PDLIM5: variants seen among roughly 807,000 people sequenced by gnomAD.
PDLIM5 encodes PDZ and LIM domain 5.
PDLIM5 carries 34 observed loss-of-function variants against 64.2 expected under a neutral mutation model. The observed-to-expected ratio is 0.53, with a 90% CI of 0.40 to 0.71. PDLIM5 has a LOEUF of 0.71. Ranked by LOEUF, PDLIM5 falls within the 30% of genes least tolerant of loss-of-function variation. PDLIM5 has a pLI of 0.00. For missense variants in PDLIM5, 683 were observed against 733.6 expected, an observed-to-expected ratio of 0.93 and a Z score of 0.80; for synonymous variants, 253 against 269.1, an observed-to-expected ratio of 0.94 and a Z score of 0.59.
At chr4:94,522,999 A>G (rs1729963807) in intron 2 of PDLIM5, among the ~76,000 whole-genome samples, 1 of 152,192 alleles carries the variant, frequency 6.6e-6, no homozygotes, top group Admixed American at 6.5e-5. Flanking sequence ...GGGGCAATGA[A>G]ATATATACAC....
intron 8 of PDLIM5, among the ~76,000 whole-genome samples, chr4:94,619,512 C>T (rs1180444255): frequency 1.3e-5 from 2 of 151,982 alleles, no homozygotes; most frequent in Admixed American, 6.5e-5. Context: ...TGGTGGCGGG[C>T]GCCTGTAGTC....
chr4:94,616,838 C>G (rs1182728459), intron 7 of PDLIM5, among the ~76,000 whole-genome samples: 1 of 152,172 alleles, frequency 6.6e-6, no homozygotes, highest in African/African-American at 2.4e-5. Context: ...TGTTTAGTGT[C>G]AGAGATGCCC....
intron 3 of PDLIM5, among the ~76,000 whole-genome samples, chr4:94,552,131 G>A (rs1164474950): frequency 6.6e-6 from 1 of 151,226 alleles, no homozygotes; most frequent in Non-Finnish European, 1.5e-5. Context: ...ATATATACAA[G>A]TTTTTATTAC....
chr4:94,508,462 G>T (rs1196798708), intron 2 of PDLIM5, among the ~76,000 whole-genome samples: 1 of 152,192 alleles, frequency 6.6e-6, no homozygotes, highest in Non-Finnish European at 1.5e-5. Flanking sequence ...GTCAAGTGTT[G>T]ATGGGCCTTG....
chr4:94,535,411 T>C (rs1731231340), intron 3 of PDLIM5, among the ~76,000 whole-genome samples: 1 of 152,208 alleles, frequency 6.6e-6, no homozygotes. Context: ...TTACAGATTC[T>C]GCAAGTTCAA....
intron 2 of PDLIM5, among the ~76,000 whole-genome samples, chr4:94,476,180 T>G (rs188168553): frequency 1.3e-5 from 2 of 152,308 alleles, no homozygotes; most frequent in Admixed American, 1.3e-4. Flanking sequence ...AACCTGATTC[T>G]GCCCACACAT....
chr4:94,647,613 G>T (rs1349302276), intron 9 of PDLIM5, among the ~76,000 whole-genome samples: 1 of 152,086 alleles, frequency 6.6e-6, no homozygotes, highest in Non-Finnish European at 1.5e-5. Context: ...ATAGCAAAAA[G>T]AACTAGAAAA....
intron 2 of PDLIM5, among the ~76,000 whole-genome samples, chr4:94,483,402 A>G (rs939810409): frequency 2.0e-5 from 3 of 152,198 alleles, no homozygotes; most frequent in African/African-American, 7.2e-5. Context: ...ACTTTCCAAC[A>G]TAAGATACTC....
At chr4:94,551,598 C>T (rs1162217666) in intron 3 of PDLIM5, among the ~76,000 whole-genome samples, 2 of 152,020 alleles carry the variant, frequency 1.3e-5, no homozygotes, top group Admixed American at 6.6e-5. Context: ...ATTTCATCTC[C>T]CCAAATAAAC....
chr4:94,659,486 ATGTGTGTATGTG>A lies in PDLIM5; in HGVS notation c.1585+1947_1585+1958del, dbSNP rs1470611873. ...CAGGCATAGAGCAGCTGTAGTATATATGTGTGTATGTGTGTGTGTGTGTGTGTGTGTGTGTGT... is the reference window on the plus strand; with the variant it reads ...CAGGCATAGAGCAGCTGTAGTATATATGTGTGTGTGTGTGTGTGTGTGTGT... On this transcript the variant is annotated intron_variant, in intron 11 of 12. Coordinates refer to ENST00000317968, the MANE Select transcript of PDLIM5 (RefSeq NM_006457.5). 8.7e-3 allele frequency among the ~76,000 whole-genome samples: 987 copies of A among 113,392 alleles called. 11 individuals carry two copies. The highest frequency in any genetic ancestry group is 0.047 in the East Asian group (178 of 3,816). The allele number at this position is 113,392 out of a possible 152,430, so 74.4% of individuals were successfully genotyped here. A position where few individuals can be genotyped will look rare whatever the true frequency, so the allele number is the denominator to read the frequency against.
chr4:94,608,213 A>G, intron 7 of PDLIM5: 1 of 1,453,512 alleles, frequency 6.9e-7, no homozygotes, highest in Non-Finnish European at 9.3e-7. Context: ...CTAAATTTCA[A>G]AGCTGGTAGT....
intron 8 of PDLIM5, among the ~76,000 whole-genome samples, chr4:94,631,065 C>CT (rs35302992): frequency 0.03 from 4,014 of 135,646 alleles, 211 homozygotes; most frequent in East Asian, 0.25. Flanking sequence ...CCATGCCAAA[C>CT]TTTTTTTTTT....
chr4:94,601,188 T>G (rs781619020), intron 7 of PDLIM5, among the ~76,000 whole-genome samples: 1 of 152,164 alleles, frequency 6.6e-6, no homozygotes, highest in Non-Finnish European at 1.5e-5. Context: ...GAAGTCAAGA[T>G]CGAGGTACCT....
intron 10 of PDLIM5, among the ~76,000 whole-genome samples, chr4:94,655,295 T>A (rs1459226318): frequency 6.6e-6 from 1 of 152,092 alleles, no homozygotes; most frequent in Non-Finnish European, 1.5e-5. Flanking sequence ...ATACCTAGTT[T>A]CCAATGATAA....
At chr4:94,645,646 C>T (rs1741355894) in intron 9 of PDLIM5, among the ~76,000 whole-genome samples, 1 of 152,110 alleles carries the variant, frequency 6.6e-6, no homozygotes, top group African/African-American at 2.4e-5. Flanking sequence ...ATACATATAG[C>T]CAGTGTGCTT....
chr4:94,559,831 A>G (rs893114389), intron 3 of PDLIM5, among the ~76,000 whole-genome samples: 3 of 152,220 alleles, frequency 2.0e-5, no homozygotes, highest in Admixed American at 2.0e-4. Flanking sequence ...GCAAATGAAA[A>G]AGGAAGAAAC....
intron 8 of PDLIM5, among the ~76,000 whole-genome samples, chr4:94,634,022 G>A (rs942934875): frequency 1.1e-4 from 16 of 152,282 alleles, no homozygotes; most frequent in African/African-American, 3.4e-4. Context: ...GGGCCAGCAT[G>A]TCTGGGATAT....
chr4:94,576,287 T>A (rs1162233073), intron 5 of PDLIM5, among the ~76,000 whole-genome samples: 1 of 61,742 alleles, frequency 1.6e-5, no homozygotes, highest in African/African-American at 3.5e-5. Flanking sequence ...TCATTTTTTG[T>A]AAGTCCCGAC....
chr4:94,584,906 CT>C (rs1253548079), intron 5 of PDLIM5: 2 of 911,574 alleles, frequency 2.2e-6, no homozygotes, highest in South Asian at 1.5e-5. Context: ...TAGTTGTTTT[CT>C]TTTTTTCTTA....
Sources: allele counts gnomAD v4.1 joint callset (sites outside exome capture counted in the v4.1 genomes callset), GRCh38; gene constraint gnomAD v4.1.1; transcripts MANE v1.5; gene names NCBI Gene and HGNC (gene_info 2026-07-23, HGNC 2026-07-21).